UNC79: variants seen among roughly 807,000 people sequenced by gnomAD.
The protein encoded by UNC79 is unc-79 subunit of NALCN channel complex.
In UNC79, 37 loss-of-function variants were observed where a neutral mutation model predicts 283.1. The ratio of observed to expected loss-of-function variants is 0.13; its 90% CI spans 0.10 to 0.17. The LOEUF is 0.17. Ranked by LOEUF, UNC79 falls within the 10% of genes least tolerant of loss-of-function variation. The pLI is 1.00. For synonymous variants in UNC79, 1,107 were observed against 1,200.2 expected (o/e 0.92, Z 1.61); for missense variants, 2,272 against 3,211.1 (o/e 0.71, Z 7.07).
chr14:93,594,892 G>A (rs2064956475), intron 23 of UNC79, among the ~76,000 whole-genome samples: 1 of 151,974 alleles, frequency 6.6e-6, no homozygotes, highest in African/African-American at 2.4e-5. Context: ...TCATCAGTGA[G>A]GTAACTATTA....
Position 93,572,836 on chromosome 14 carries a change from G to C in UNC79, c.2070+20G>C. 3 of 1,610,986 alleles carry C rather than the reference G, an allele frequency of 1.9e-6. No homozygotes were observed. The highest frequency in any genetic ancestry group is 2.5e-6 in the Non-Finnish European group (3 of 1,178,874). ...CTTCATGTAAGTGAATAATACTTTC[G>C]ATCATTTTAGGAAATAGTTCTTAGC... On this transcript the variant is annotated intron_variant, in intron 16 of 48. Coordinates refer to ENST00000555664, the Ensembl canonical transcript of UNC79.
intron 47 of UNC79, among the ~76,000 whole-genome samples, chr14:93,702,863 G>A (rs996054879): frequency 3.3e-5 from 5 of 152,204 alleles, no homozygotes; most frequent in Admixed American, 1.3e-4. Context: ...GACCATTGAG[G>A]CAACCTCCAC....
At chr14:93,664,065 A>G (rs532917751) in intron 40 of UNC79, among the ~76,000 whole-genome samples, 4 of 152,224 alleles carry the variant, frequency 2.6e-5, no homozygotes, top group African/African-American at 9.6e-5. Context: ...ATTATCATCT[A>G]CCCTTTCTCA....
chr14:93,493,454 G>A (rs971883850), intron 5 of UNC79, among the ~76,000 whole-genome samples: 3 of 152,166 alleles, frequency 2.0e-5, no homozygotes, highest in African/African-American at 7.2e-5. Flanking sequence ...AGAACGGATT[G>A]AGAAGAAGCC....
At chr14:93,585,189 C>A (rs1201483044) in intron 20 of UNC79, among the ~76,000 whole-genome samples, 8 of 152,198 alleles carry the variant, frequency 5.3e-5, no homozygotes, top group Admixed American at 4.6e-4. Flanking sequence ...AGTCCCTCTT[C>A]TCTTTCTTCC....
intron 27 of UNC79, among the ~76,000 whole-genome samples, chr14:93,613,884 C>T (rs1410755058): frequency 2.0e-5 from 3 of 152,146 alleles, no homozygotes; most frequent in Admixed American, 1.3e-4. Flanking sequence ...CTAATATTCA[C>T]ATGTTCCAAT....
chr14:93,583,457 A>G (rs1267540944), intron 20 of UNC79, among the ~76,000 whole-genome samples: 3 of 152,230 alleles, frequency 2.0e-5, no homozygotes, highest in Non-Finnish European at 4.4e-5. Flanking sequence ...GGTTCATTGC[A>G]ACTGTGGAGG....
chr14:93,695,200 C>T (rs2075004577), intron 47 of UNC79, among the ~76,000 whole-genome samples: 1 of 151,792 alleles, frequency 6.6e-6, no homozygotes. Context: ...TATCTTTCAC[C>T]TCTATATTCT....
intron 41 of UNC79, among the ~76,000 whole-genome samples, chr14:93,678,972 G>T (rs1566911168): frequency 6.6e-6 from 1 of 152,170 alleles, no homozygotes. Context: ...TTTTAATTCA[G>T]ATCTATTGAC....
intron 1 of UNC79, among the ~76,000 whole-genome samples, chr14:93,340,831 T>C (rs1282564788): frequency 6.6e-6 from 1 of 152,116 alleles, no homozygotes; most frequent in African/African-American, 2.4e-5. Flanking sequence ...CTCAGCCTCC[T>C]AAAGTGCTGT....
At position 93,617,225 on chromosome 14, in the gene UNC79, C is replaced by T. The variant is rs1462458716; in HGVS notation, c.4145C>T (p.Pro1382Leu). Residue 1382 changes from proline (P) to leucine (L), a missense_variant, in exon 28 of 49, where the codon CCG becomes CTG. Pro to Leu is a moderately conservative substitution (Grantham distance 98). This residue lies in a region of UNC79 where 128 missense variants were observed against 230.3 expected (regional missense o/e 0.56). Coordinates refer to ENST00000555664, the Ensembl canonical transcript of UNC79. This position sits in a 1 kb window ranked among gnomAD's most constrained non-coding sequence, Gnocchi z 4.5. ...CAACTCCGGCATTATTTCCAACAGC[C>T]GCCTCGTTGCTCCCTCTGGTCCCTA... is the stretch of plus-strand genomic sequence containing the variant. The T allele has an allele frequency of 3.1e-6, 5 of 1,614,038 alleles. No individual in the cohort carries two copies. The highest frequency in any genetic ancestry group is 2.7e-5 in the African/African-American group (2 of 74,918).
chr14:93,529,731 T>C (rs965679925), intron 10 of UNC79, among the ~76,000 whole-genome samples: 2 of 152,166 alleles, frequency 1.3e-5, no homozygotes, highest in Admixed American at 1.3e-4. Flanking sequence ...CCTGCTACTA[T>C]TACTAGTACC....
At chr14:93,693,392 C>T (rs114960685) in intron 46 of UNC79, among the ~76,000 whole-genome samples, 6 of 152,218 alleles carry the variant, frequency 3.9e-5, no homozygotes, top group Non-Finnish European at 7.3e-5. Context: ...AGAAATACCT[C>T]TCCTCCAAAT....
At chr14:93,439,350 C>T (rs1006619908) in intron 1 of UNC79, among the ~76,000 whole-genome samples, 3 of 151,684 alleles carry the variant, frequency 2.0e-5, no homozygotes, top group African/African-American at 7.3e-5. Context: ...AGGTAATATA[C>T]TAGGCAGTAT....
At chr14:93,352,834 T>C (rs1301603274) in intron 1 of UNC79, among the ~76,000 whole-genome samples, 1 of 152,218 alleles carries the variant, frequency 6.6e-6, no homozygotes, top group African/African-American at 2.4e-5. Context: ...TTGAAAGTAT[T>C]GTAAGTACTG....
In UNC79 at chr14:93,587,145, A is replaced by T. The variant is rs560724144; in HGVS notation, c.3032+237A>T. On this transcript the variant is annotated intron_variant, in intron 22 of 48. Coordinates refer to ENST00000555664, the Ensembl canonical transcript of UNC79. Reference sequence around the variant, plus strand: ...AATAAATAGAAAAGTTAAAGTAAAAATTATTGTATGCCTTTCACTTGTTAG... The same window carrying T: ...AATAAATAGAAAAGTTAAAGTAAAATTTATTGTATGCCTTTCACTTGTTAG... Among the ~76,000 whole-genome samples the T allele has an allele frequency of 1.3e-4, 20 of 152,312 alleles. 1 individual carries two copies. Among genetic ancestry groups the T allele is most frequent in the African/African-American group, 4.1e-4 (17 of 41,582 alleles).
intron 1 of UNC79, chr14:93,347,347 C>G (rs747514899): frequency 6.3e-7 from 1 of 1,597,308 alleles, no homozygotes; most frequent in South Asian, 1.1e-5. Context: ...GCCCGCTCCC[C>G]GCTTCGCCCA....
chr14:93,532,605 G>C, intron 11 of UNC79, 27 bp downstream of exon 11: 1 of 1,608,504 alleles, frequency 6.2e-7, no homozygotes, highest in Non-Finnish European at 8.5e-7. Flanking sequence ...TGTGTCGTTG[G>C]GGCATGATTT....
At chr14:93,379,802 A>G (rs68155325) in intron 1 of UNC79, among the ~76,000 whole-genome samples, 12,742 of 152,134 alleles carry the variant, frequency 0.084, 585 homozygotes, top group Middle Eastern at 0.14. Context: ...AGAAATCACT[A>G]CTAAAGAACT....
Sources: gnomAD v4.1 joint callset for allele counts (sites outside exome capture counted in the v4.1 genomes callset) on GRCh38, gnomAD v4.1.1 for gene constraint, gnomAD v4.1.1 regional missense constraint, Gnocchi (gnomAD v3.1) non-coding constraint, MANE v1.5 for transcripts, NCBI Gene and HGNC (gene_info 2026-07-23, HGNC 2026-07-21) for gene names.